The following LUZP2 variants were observed in gnomAD, a reference collection of about 807,000 sequenced individuals.
LUZP2 encodes the protein leucine zipper protein 2.
Under a neutral mutation model 51.6 loss-of-function variants are expected in LUZP2, and 52 were observed. The observed-to-expected ratio is 1.01, with a 90% CI of 0.81 to 1.27. LUZP2 has a LOEUF of 1.27. Among genes scored for constraint, LUZP2 ranks in the 50% most tolerant of loss-of-function variants. The pLI is 0.00. For synonymous variants in LUZP2, 154 were observed against 137.3 expected (o/e 1.12, Z -0.85); for missense variants, 436 against 395.4 (o/e 1.10, Z -0.87).
intron 9 of LUZP2, among the ~76,000 whole-genome samples, chr11:25,042,472 G>A (rs1858099624): frequency 6.6e-6 from 1 of 152,098 alleles, no homozygotes; most frequent in Admixed American, 6.5e-5. Context: ...GCCTTGCATA[G>A]GAATATGAAA....
At chr11:24,568,993 C>G (rs1044874023) in intron 1 of LUZP2, among the ~76,000 whole-genome samples, 2 of 151,566 alleles carry the variant, frequency 1.3e-5, no homozygotes, top group African/African-American at 2.4e-5. Flanking sequence ...ACATGCATAA[C>G]AGTGGAGGTT....
At chr11:25,075,680 G>T (rs527780255) in intron 10 of LUZP2, among the ~76,000 whole-genome samples, 3 of 152,210 alleles carry the variant, frequency 2.0e-5, no homozygotes, top group Non-Finnish European at 2.9e-5. Flanking sequence ...AATTATGGCA[G>T]AAATGAGTAG....
In LUZP2 at chr11:24,801,251, C is replaced by T. The variant is rs574911506; in HGVS notation, c.396+37943C>T. On this transcript the variant is annotated intron_variant, in intron 5 of 11. Transcript: ENST00000336930. The stretch of plus-strand genomic sequence containing the variant: ...TAAAATCATTGTTGGTGAGGGAATA[C>T]CATCTCCCTTTTCCAGGAATCGATC... 8.2e-4 allele frequency among the ~76,000 whole-genome samples: 124 copies of T among 152,084 alleles called. 1 individual carries two copies. The highest frequency in any genetic ancestry group is 2.9e-3 in the African/African-American group (119 of 41,526).
intron 7 of LUZP2, among the ~76,000 whole-genome samples, chr11:24,976,368 A>G (rs956145960): frequency 6.6e-6 from 1 of 151,888 alleles, no homozygotes; most frequent in African/African-American, 2.4e-5. Context: ...TTTAGTGCAT[A>G]TTCATCCAGA....
chr11:24,638,319 A>C (rs1240637024), intron 1 of LUZP2, among the ~76,000 whole-genome samples: 1 of 151,710 alleles, frequency 6.6e-6, no homozygotes, highest in African/African-American at 2.4e-5. Context: ...CCCAAATAGA[A>C]ATTATACTAG....
intron 9 of LUZP2, among the ~76,000 whole-genome samples, chr11:24,986,843 G>A (rs1034479587): frequency 7.3e-5 from 11 of 151,514 alleles, no homozygotes; most frequent in Admixed American, 5.9e-4. Context: ...ATATCACCAA[G>A]AATCCTACCA....
intron 5 of LUZP2, among the ~76,000 whole-genome samples, chr11:24,881,946 G>A (rs28489250): frequency 0.49 from 73,487 of 151,236 alleles, 18,283 homozygotes; most frequent in East Asian, 0.69. Flanking sequence ...AAACAACAAA[G>A]TGAATATTCA....
At chr11:24,558,505 A>T (rs1851939365) in intron 1 of LUZP2, among the ~76,000 whole-genome samples, 1 of 152,186 alleles carries the variant, frequency 6.6e-6, no homozygotes, top group Admixed American at 6.6e-5. Context: ...GATAGTACCA[A>T]ATTTGACATG....
chr11:24,553,744 T>A (rs1851786057), intron 1 of LUZP2, among the ~76,000 whole-genome samples: 1 of 152,158 alleles, frequency 6.6e-6, no homozygotes, highest in African/African-American at 2.4e-5. Flanking sequence ...ATGGTACGTA[T>A]CTGTGCCCAC....
chr11:24,647,380 C>G (rs1247015282), intron 1 of LUZP2, among the ~76,000 whole-genome samples: 3 of 151,336 alleles, frequency 2.0e-5, no homozygotes, highest in Non-Finnish European at 4.4e-5. Flanking sequence ...TAAATAACAA[C>G]AAAAACAAAA....
At chr11:24,583,519 A>C (rs1852948046) in intron 1 of LUZP2, among the ~76,000 whole-genome samples, 1 of 152,138 alleles carries the variant, frequency 6.6e-6, no homozygotes, top group Admixed American at 6.6e-5. Context: ...AACTTTTAAT[A>C]TTCCAAATAA....
In LUZP2 at chr11:24,974,632, G is replaced by A. The variant is rs534005118; in HGVS notation, c.523-1959G>A. 3.5e-4 allele frequency among the ~76,000 whole-genome samples: 53 copies of A among 152,032 alleles called. 3 individuals are homozygous for A. The South Asian group carries it at 0.01, about 29-fold the overall frequency. On this transcript the variant is annotated intron_variant, in intron 7 of 11. Transcript: ENST00000336930. ...TGTTTCTTTCAGCCTCTGAATTTGGGTTTCTGTTTCACAAGAGAAGCAAAT... is the reference window on the plus strand; with the variant it reads ...TGTTTCTTTCAGCCTCTGAATTTGGATTTCTGTTTCACAAGAGAAGCAAAT...
At chr11:25,004,076 G>C (rs927902990) in intron 9 of LUZP2, among the ~76,000 whole-genome samples, 1 of 152,070 alleles carries the variant, frequency 6.6e-6, no homozygotes, top group Non-Finnish European at 1.5e-5. Flanking sequence ...GGCCCTCAAT[G>C]GTTAAACATA....
rs1415054224 is a variant in LUZP2, at chr11:25,079,274, A to G, written c.*616A>G. The G allele has an allele frequency of 6.6e-6, 1 of 152,250 alleles. No individual in the cohort carries two copies. The highest frequency in any genetic ancestry group is 2.4e-5 in the African/African-American group (1 of 41,466). The allele number at this position is 152,250 out of a possible 1,614,324, so 9.4% of individuals were successfully genotyped here. A position where few individuals can be genotyped will look rare whatever the true frequency, so the allele number is the denominator to read the frequency against. On this transcript the variant is annotated 3_prime_UTR_variant, in exon 12 of 12. Transcript: ENST00000336930. ...TAAGTATGTTTGGCATCATATGGAC[A>G]AAATATTTGGATGAATGACTAAATT...
At chr11:24,580,897 T>G (rs1852829556) in intron 1 of LUZP2, among the ~76,000 whole-genome samples, 1 of 152,084 alleles carries the variant, frequency 6.6e-6, no homozygotes, top group African/African-American at 2.4e-5. Context: ...TAAAAATAGT[T>G]TTATCTCTAT....
chr11:24,833,702 C>CTG (rs1554918484), intron 5 of LUZP2, among the ~76,000 whole-genome samples: 4 of 129,844 alleles, frequency 3.1e-5, no homozygotes, highest in East Asian at 2.0e-4. Flanking sequence ...ACGCCTGCCA[C>CTG]CGCGCGCGCG....
At chr11:24,572,971 A>T (rs1852490770) in intron 1 of LUZP2, among the ~76,000 whole-genome samples, 1 of 152,056 alleles carries the variant, frequency 6.6e-6, no homozygotes, top group African/African-American at 2.4e-5. Flanking sequence ...CAATTTTTAT[A>T]AGTAGTTAAT....
intron 5 of LUZP2, among the ~76,000 whole-genome samples, chr11:24,865,884 A>T (rs1463163970): frequency 6.6e-6 from 1 of 151,636 alleles, no homozygotes; most frequent in South Asian, 2.1e-4. Context: ...ATCTTGGCTC[A>T]CTGCAACCTC....
At chr11:24,614,217 G>T (rs7110784) in intron 1 of LUZP2, among the ~76,000 whole-genome samples, 1 of 151,560 alleles carries the variant, frequency 6.6e-6, no homozygotes, top group South Asian at 2.1e-4. Context: ...TTGAATCCTC[G>T]TTCTTCCTAC....
Sources: gnomAD v4.1 joint callset for allele counts (sites outside exome capture counted in the v4.1 genomes callset) on GRCh38, gnomAD v4.1.1 for gene constraint, MANE v1.5 for transcripts, NCBI Gene and HGNC (gene_info 2026-07-23, HGNC 2026-07-21) for gene names.